TLK2: variants seen among roughly 807,000 people sequenced by gnomAD.
TLK2 encodes tousled like kinase 2.
TLK2 carries 6 observed loss-of-function variants against 117.3 expected under a neutral mutation model. The ratio of observed to expected loss-of-function variants is 0.05; its 90% CI spans 0.03 to 0.10. The LOEUF (loss-of-function observed/expected upper bound fraction) is 0.10. Among genes scored for constraint, TLK2 ranks in the 10% least tolerant of loss-of-function variants. The probability of loss-of-function intolerance (pLI) is 1.00; values close to 1 mark genes in which losing one functional copy is unlikely to be tolerated. For synonymous variants in TLK2, 257 were observed against 316.7 expected, an observed-to-expected ratio of 0.81 and a Z score of 2.00; for missense variants, 299 against 901.2, an observed-to-expected ratio of 0.33 and a Z score of 8.56.
chr17:62,582,457 G>A (rs1301059614), intron 15 of TLK2, among the ~76,000 whole-genome samples: 1 of 151,984 alleles, frequency 6.6e-6, no homozygotes, highest in Non-Finnish European at 1.5e-5. Flanking sequence ...TGATTGATAG[G>A]CTAGAGATTA....
At chr17:62,554,786 GA>G (rs965565520) in intron 9 of TLK2, among the ~76,000 whole-genome samples, 3 of 151,694 alleles carry the variant, frequency 2.0e-5, no homozygotes, top group Non-Finnish European at 2.9e-5. Flanking sequence ...CGTGAGGTGG[GA>G]AGATGCTTGA....
chr17:62,527,534 T>A (rs921745791), intron 6 of TLK2, among the ~76,000 whole-genome samples: 3 of 151,758 alleles, frequency 2.0e-5, no homozygotes, highest in African/African-American at 7.3e-5. Flanking sequence ...ATAGATGAAT[T>A]TTTTTTTGTA....
chr17:62,499,160 G>A (rs948166495), intron 2 of TLK2, among the ~76,000 whole-genome samples: 8 of 151,950 alleles, frequency 5.3e-5, no homozygotes, highest in African/African-American at 1.7e-4. Flanking sequence ...GGCGACCACG[G>A]CAAAACCCTG....
intron 2 of TLK2, among the ~76,000 whole-genome samples, chr17:62,482,690 G>C (rs1196302521): frequency 1.1e-4 from 17 of 152,130 alleles, no homozygotes; most frequent in Non-Finnish European, 2.2e-4. Flanking sequence ...GACCTCCAGT[G>C]ATCTGCCTGT....
chr17:62,517,629 G>A (rs935078637), intron 2 of TLK2, among the ~76,000 whole-genome samples: 1 of 151,994 alleles, frequency 6.6e-6, no homozygotes, highest in Admixed American at 6.6e-5. Flanking sequence ...TGATCCGCCC[G>A]CCTCGGCCTC....
intron 7 of TLK2, among the ~76,000 whole-genome samples, chr17:62,546,050 T>G (rs1567890541): frequency 6.6e-6 from 1 of 152,228 alleles, no homozygotes; most frequent in East Asian, 1.9e-4. Flanking sequence ...CCTGGCTAAT[T>G]TTTGTATCTT....
intron 17 of TLK2, chr17:62,600,199 G>A (rs2082772672): frequency 6.6e-6 from 1 of 152,556 alleles, no homozygotes; most frequent in Non-Finnish European, 1.5e-5. Context: ...AGCCAAAATT[G>A]CGCCACTGCA....
intron 16 of TLK2, among the ~76,000 whole-genome samples, 200 bp from the exon 17 acceptor site, chr17:62,596,385 T>A (rs2082482982): frequency 6.6e-6 from 1 of 152,208 alleles, no homozygotes; most frequent in South Asian, 2.1e-4. Context: ...GAGCACCTAT[T>A]ATTTTCTCAA....
intron 11 of TLK2, among the ~76,000 whole-genome samples, chr17:62,570,785 T>A (rs1260764684): frequency 6.6e-6 from 1 of 152,152 alleles, no homozygotes; most frequent in Non-Finnish European, 1.5e-5. Context: ...TGGGGAGCAT[T>A]TCTTGGTGAA....
At chr17:62,552,083 C>G (rs967875803) in intron 7 of TLK2, 1 of 574,804 alleles carries the variant, frequency 1.7e-6, no homozygotes, top group Non-Finnish European at 3.1e-6. Context: ...TACTTTAAAC[C>G]TGTTTACAGG....
At chr17:62,546,752 G>A (rs1207545870) in intron 7 of TLK2, among the ~76,000 whole-genome samples, 2 of 151,636 alleles carry the variant, frequency 1.3e-5, no homozygotes, top group East Asian at 2.0e-4. Context: ...TAGAGACGGG[G>A]TTTCACCATG....
intron 6 of TLK2, among the ~76,000 whole-genome samples, chr17:62,531,304 G>C (rs562542056): frequency 2.8e-4 from 42 of 151,904 alleles, no homozygotes; most frequent in Non-Finnish European, 4.9e-4. Flanking sequence ...CTCCATCATG[G>C]ATAATTTCTT....
At chr17:62,536,846 C>G (rs554819770) in intron 7 of TLK2, among the ~76,000 whole-genome samples, 30 of 152,340 alleles carry the variant, frequency 2.0e-4, no homozygotes, top group African/African-American at 6.3e-4. Context: ...CTTAACCTTT[C>G]TCAGGAATAT....
At chr17:62,564,228 C>A (rs1016961412) in intron 10 of TLK2, among the ~76,000 whole-genome samples, 4 of 151,934 alleles carry the variant, frequency 2.6e-5, no homozygotes, top group Non-Finnish European at 5.9e-5. Flanking sequence ...CATGGCGAAA[C>A]CAGTCTCTAC....
chr17:62,560,839 A>T (rs1368126733), intron 10 of TLK2, among the ~76,000 whole-genome samples: 1 of 151,232 alleles, frequency 6.6e-6, no homozygotes, highest in African/African-American at 2.4e-5. Context: ...TTTTTTTTTT[A>T]ATTATACTTT....
chr17:62,608,634 G>C (rs894456872), intron 21 of TLK2, among the ~76,000 whole-genome samples: 1 of 152,190 alleles, frequency 6.6e-6, no homozygotes. Context: ...AATTGACTCA[G>C]CTCAGCATGG....
intron 9 of TLK2, among the ~76,000 whole-genome samples, chr17:62,559,299 CAT>C (rs77168805): frequency 0.5 from 75,528 of 151,754 alleles, 21,039 homozygotes; most frequent in East Asian, 0.81. Flanking sequence ...ACAAAGCAAA[CAT>C]AAAATTCAGT....
At chr17:62,567,780 T>C (rs1441300600) in intron 11 of TLK2, among the ~76,000 whole-genome samples, 2 of 152,156 alleles carry the variant, frequency 1.3e-5, no homozygotes, top group Non-Finnish European at 2.9e-5. Flanking sequence ...TAATCAAATA[T>C]AGCCTCAATA....
At position 62,546,345 on chromosome 17, in the gene TLK2, T is replaced by TTTTTTTTTTTTTTG. The variant is rs2077929190; in HGVS notation, c.532-5944_532-5943insGTTTTTTTTTTTTT. On this transcript the variant is annotated intron_variant, in intron 7 of 21. Transcript: ENST00000346027. Reference sequence around the variant, plus strand: ...TTCCCTATTTTGAGTTTGTTGATTGTTTTTTTTTTTTTTTTACATAATGAA... The same window carrying TTTTTTTTTTTTTTG: ...TTCCCTATTTTGAGTTTGTTGATTGTTTTTTTTTTTTTTGTTTTTTTTTTTTTTTACATAATGAA... Among the ~76,000 whole-genome samples, 2 of 10,842 alleles carry TTTTTTTTTTTTTTG rather than the reference T, an allele frequency of 1.8e-4. 1 individual carries two copies. The highest frequency in any genetic ancestry group is 7.0e-4 in the Non-Finnish European group (2 of 2,862). The allele number at this position is 10,842 out of a possible 152,430, so 7.1% of individuals were successfully genotyped here.
Sources: allele counts gnomAD v4.1 joint callset (sites outside exome capture counted in the v4.1 genomes callset), GRCh38; gene constraint gnomAD v4.1.1; transcripts MANE v1.5; gene names NCBI Gene and HGNC (gene_info 2026-07-23, HGNC 2026-07-21).